The following SDHC variants were observed in gnomAD, a reference collection of about 807,000 sequenced individuals.
SDHC encodes succinate dehydrogenase cytochrome b560 subunit, mitochondrial.
In SDHC, 11 loss-of-function variants were observed where a neutral mutation model predicts 22.6. The ratio of observed to expected loss-of-function variants is 0.49; its 90% CI spans 0.31 to 0.81. SDHC has a LOEUF of 0.81. Among genes scored for constraint, SDHC ranks in the 30% least tolerant of loss-of-function variants. The probability of loss-of-function intolerance (pLI) is 0.05; values close to 1 mark genes in which losing one functional copy is unlikely to be tolerated. For missense variants in SDHC, 160 were observed against 212.0 expected, an observed-to-expected ratio of 0.75 and a Z score of 1.52; for synonymous variants, 80 against 77.8, an observed-to-expected ratio of 1.03 and a Z score of -0.15.
At chr1:161,343,828 GA>G (rs1380151628) in intron 4 of SDHC, among the ~76,000 whole-genome samples, 1 of 151,840 alleles carries the variant, frequency 6.6e-6, no homozygotes, top group Non-Finnish European at 1.5e-5. Flanking sequence ...ACCACTAAAT[GA>G]AAAAAAGATA....
chr1:161,339,639 T>C, intron 3 of SDHC: 1 of 671,370 alleles, frequency 1.5e-6, no homozygotes, highest in Non-Finnish European at 2.2e-6. Flanking sequence ...AATTTATTTT[T>C]GTAACCTAAT....
rs542395352 is a variant in SDHC, at chr1:161,347,975, A to C, written c.241+7320A>C. On this transcript the variant is annotated intron_variant, in intron 4 of 5. Coordinates refer to ENST00000367975, the MANE Select transcript of SDHC (RefSeq NM_003001.5). ...GCCATGCTGTAGACCATGAAAAGCCATTAAAAGTTCATGTGCTCTTTTGTT... is the reference window on the plus strand; with the variant it reads ...GCCATGCTGTAGACCATGAAAAGCCCTTAAAAGTTCATGTGCTCTTTTGTT... Among the ~76,000 whole-genome samples the C allele has an allele frequency of 6.6e-5, 10 of 152,334 alleles. No individual in the cohort carries two copies. In the East Asian group the frequency reaches 1.9e-3, roughly 29 times the overall value.
rs34443836 is a variant in SDHC, at chr1:161,360,028, A to ATT, written c.406-2287_406-2286dup. ...GAGGTGGAGGCATCTTCTCATCTTG[A>ATT]TTTTTTTTTTTTTTTCTGGGCTTCC... On this transcript the variant is annotated intron_variant, in intron 5 of 5. Coordinates refer to ENST00000367975, the MANE Select transcript of SDHC (RefSeq NM_003001.5). Among the ~76,000 whole-genome samples the ATT allele has an allele frequency of 5.6e-5, 8 of 142,116 alleles. No homozygotes were observed. In the East Asian group the frequency reaches 8.3e-4, roughly 15 times the overall value. 93.2% of individuals were successfully genotyped at this position (142,116 alleles called of 152,430 possible).
At chr1:161,337,761 G>A (rs1000560965) in intron 3 of SDHC, among the ~76,000 whole-genome samples, 1 of 152,188 alleles carries the variant, frequency 6.6e-6, no homozygotes, top group African/African-American at 2.4e-5. Flanking sequence ...TTCTGGAACA[G>A]TGCATATGTT....
chr1:161,331,290 C>T (rs1300805931), intron 3 of SDHC, among the ~76,000 whole-genome samples: 2 of 151,636 alleles, frequency 1.3e-5, no homozygotes, highest in Non-Finnish European at 2.9e-5. Flanking sequence ...TTTGTCCAGA[C>T]AGAGTCTCAC....
chr1:161,357,744 G>A (rs1004588074), intron 5 of SDHC, among the ~76,000 whole-genome samples: 4 of 152,102 alleles, frequency 2.6e-5, no homozygotes, highest in Non-Finnish European at 4.4e-5. Flanking sequence ...ATCCCTGAAG[G>A]CATAGAATGC....
At chr1:161,318,839 G>C in intron 1 of SDHC, among the ~76,000 whole-genome samples, 1 of 151,960 alleles carries the variant, frequency 6.6e-6, no homozygotes. Flanking sequence ...TTCAAGACCA[G>C]CCTGACCAAC....
Position 161,340,296 on chromosome 1 carries a change from TA to T in SDHC, c.180-288del, listed in dbSNP as rs78514496. On this transcript the variant is annotated intron_variant, in intron 3 of 5. Coordinates refer to ENST00000367975, the MANE Select transcript of SDHC (RefSeq NM_003001.5). Reference sequence around the variant, plus strand: ...AGAGCAAGACCCTGTTCCGGGGGGGTAAAAAAAAAAGTGAAAAGACAGGAAT... The same window carrying T: ...AGAGCAAGACCCTGTTCCGGGGGGGTAAAAAAAAAGTGAAAAGACAGGAAT... Among the ~76,000 whole-genome samples, 3,026 of 145,242 alleles carry T rather than the reference TA, an allele frequency of 0.021. 94 individuals are homozygous for T. Among genetic ancestry groups the T allele is most frequent in the African/African-American group, 0.072 (2,853 of 39,870 alleles).
At chr1:161,342,870 C>G (rs1376571969) in intron 4 of SDHC, among the ~76,000 whole-genome samples, 7 of 152,104 alleles carry the variant, frequency 4.6e-5, no homozygotes, top group Admixed American at 2.0e-4. Flanking sequence ...AATTATATAC[C>G]TGAGAGACAG....
chr1:161,339,030 A>T (rs1671603139), intron 3 of SDHC, among the ~76,000 whole-genome samples: 1 of 151,708 alleles, frequency 6.6e-6, no homozygotes, highest in African/African-American at 2.4e-5. Flanking sequence ...TTGTATTTTT[A>T]GTAGAGATGG....
At position 161,320,828 on chromosome 1, in the gene SDHC, A is replaced by ATTTTTTTT. The variant is rs71270444; in HGVS notation, c.21-2776_21-2769dup. On this transcript the variant is annotated intron_variant, in intron 1 of 5. Coordinates refer to ENST00000367975, the MANE Select transcript of SDHC (RefSeq NM_003001.5). ...AACTTATTCTAAGACTTCAGTCTTGATTTTTTTTTTTTTTTTTGAGATGGA... is the reference window on the plus strand; with the variant it reads ...AACTTATTCTAAGACTTCAGTCTTGATTTTTTTTTTTTTTTTTTTTTTTTTGAGATGGA... Among the ~76,000 whole-genome samples the ATTTTTTTT allele has an allele frequency of 4.3e-3, 553 of 127,570 alleles. 16 individuals are homozygous for ATTTTTTTT. The highest frequency in any genetic ancestry group is 6.4e-3 in the African/African-American group (205 of 32,026). The allele number at this position is 127,570 out of a possible 152,430, so 83.7% of individuals were successfully genotyped here. A position where few individuals can be genotyped will look rare whatever the true frequency, so the allele number is the denominator to read the frequency against.
Position 161,355,772 on chromosome 1 carries a change from C to T in SDHC, c.242-905C>T, listed in dbSNP as rs892006565. ...GCTGAGGTGGGCGAATCACTTGAGG[C>T]CAGGAGTTTGAGACCAGCCTGGCCA... On this transcript the variant is annotated intron_variant, in intron 4 of 5. Coordinates refer to ENST00000367975, the MANE Select transcript of SDHC (RefSeq NM_003001.5). 2.0e-5 allele frequency among the ~76,000 whole-genome samples: 3 copies of T among 151,812 alleles called. No homozygotes were observed. The South Asian group carries it at 6.2e-4, about 32-fold the overall frequency.
chr1:161,345,602 G>A (rs1308130774), intron 4 of SDHC, among the ~76,000 whole-genome samples: 3 of 149,410 alleles, frequency 2.0e-5, no homozygotes, highest in Non-Finnish European at 3.0e-5. Flanking sequence ...GACTACAGGC[G>A]CCTGCCACCA....
chr1:161,316,553 T>G (rs1418347830), intron 1 of SDHC, among the ~76,000 whole-genome samples: 2 of 152,244 alleles, frequency 1.3e-5, no homozygotes, highest in Non-Finnish European at 2.9e-5. Context: ...CTCTTATGTC[T>G]GCTTTCTATA....
At chr1:161,331,555 T>A (rs1671271212) in intron 3 of SDHC, among the ~76,000 whole-genome samples, 1 of 152,020 alleles carries the variant, frequency 6.6e-6, no homozygotes, top group Admixed American at 6.6e-5. Context: ...GTGCTGGGAT[T>A]ATGTGTGAAC....
At chr1:161,358,447 C>T (rs550765582) in intron 5 of SDHC, among the ~76,000 whole-genome samples, 1 of 152,034 alleles carries the variant, frequency 6.6e-6, no homozygotes, top group East Asian at 1.9e-4. Context: ...CATGTTGCCT[C>T]CTATGTGACC....
intron 3 of SDHC, among the ~76,000 whole-genome samples, chr1:161,331,706 C>T (rs984294477): frequency 2.0e-5 from 3 of 151,958 alleles, no homozygotes; most frequent in Non-Finnish European, 4.4e-5. Context: ...CGCGGTTCTC[C>T]TGCCTCAGCC....
intron 2 of SDHC, chr1:161,326,564 T>TAA (rs2102302954): frequency 8.3e-6 from 1 of 120,316 alleles, no homozygotes; most frequent in Non-Finnish European, 1.7e-5. Context: ...TTTTTTTAAA[T>TAA]ATATATATAT....
At chr1:161,351,473 A>C (rs1672093859) in intron 4 of SDHC, among the ~76,000 whole-genome samples, 1 of 152,202 alleles carries the variant, frequency 6.6e-6, no homozygotes, top group South Asian at 2.1e-4. Context: ...TTCCTAATAC[A>C]GGCTTGGTGG....
Sources: allele counts gnomAD v4.1 joint callset (sites outside exome capture counted in the v4.1 genomes callset), GRCh38; gene constraint gnomAD v4.1.1; transcripts MANE v1.5; gene names NCBI Gene and HGNC (gene_info 2026-07-23, HGNC 2026-07-21).